The following FBXW11 variants were observed in gnomAD, a reference collection of about 807,000 sequenced individuals.
FBXW11 encodes F-box and WD repeat domain containing 11.
FBXW11 carries 19 observed loss-of-function variants against 77.6 expected under a neutral mutation model. The observed-to-expected ratio is 0.24, with a 90% CI of 0.17 to 0.36. The LOEUF (loss-of-function observed/expected upper bound fraction) is 0.36. FBXW11 is among the 10% of genes least tolerant of loss of function. FBXW11 has a pLI of 1.00. For synonymous variants in FBXW11, 235 were observed against 249.4 expected (o/e 0.94, Z 0.54); for missense variants, 334 against 704.2 (o/e 0.47, Z 5.95).
At chr5:171,889,625 G>A (rs1006039392) in intron 7 of FBXW11, among the ~76,000 whole-genome samples, 10 of 152,094 alleles carry the variant, frequency 6.6e-5, no homozygotes, top group African/African-American at 2.4e-4. Context: ...GGTGGTTTAC[G>A]CCTGTAATCG....
intron 2 of FBXW11, 90 bp from the exon 3 acceptor site, chr5:171,914,495 A>T (rs569688804): frequency 1.5e-4 from 171 of 1,135,054 alleles, no homozygotes; most frequent in Non-Finnish European, 2.0e-4. Context: ...CCCAAACTAG[A>T]GTGTACCAAT....
intron 13 of FBXW11, among the ~76,000 whole-genome samples, chr5:171,865,696 C>T (rs547688208): frequency 4.6e-5 from 7 of 152,246 alleles, no homozygotes; most frequent in East Asian, 3.9e-4. Flanking sequence ...TTCCTAATAA[C>T]GATCTTATAT....
chr5:171,895,663 T>C (rs550200766), intron 6 of FBXW11, among the ~76,000 whole-genome samples: 9 of 152,210 alleles, frequency 5.9e-5, no homozygotes, highest in Non-Finnish European at 1.3e-4. Flanking sequence ...TTATAACAAC[T>C]CCTATCTCTC....
At chr5:172,005,921 G>GC (rs201500668) in intron 1 of FBXW11, among the ~76,000 whole-genome samples, 7,538 of 151,994 alleles carry the variant, frequency 0.05, 277 homozygotes, top group East Asian at 0.12. Context: ...AAAGCTCCCT[G>GC]CCCCCCCAGC....
intron 13 of FBXW11, among the ~76,000 whole-genome samples, chr5:171,865,670 A>C (rs1757344731): frequency 6.6e-6 from 1 of 152,224 alleles, no homozygotes; most frequent in Non-Finnish European, 1.5e-5. Flanking sequence ...CTTTTGGCTT[A>C]TCTACTTTTT....
At chr5:171,956,503 A>G (rs79944708) in intron 2 of FBXW11, among the ~76,000 whole-genome samples, 310 of 152,310 alleles carry the variant, frequency 2.0e-3, no homozygotes, top group African/African-American at 6.4e-3. Flanking sequence ...ATTTGAATCA[A>G]TAACCACACC....
At chr5:172,000,393 T>C (rs1463303850) in intron 1 of FBXW11, among the ~76,000 whole-genome samples, 1 of 152,238 alleles carries the variant, frequency 6.6e-6, no homozygotes, top group Non-Finnish European at 1.5e-5. Flanking sequence ...GTTCTCTCTG[T>C]AGTTACAGCA....
At chr5:171,936,583 A>G (rs1762496280) in intron 2 of FBXW11, among the ~76,000 whole-genome samples, 1 of 152,028 alleles carries the variant, frequency 6.6e-6, no homozygotes, top group Non-Finnish European at 1.5e-5. Context: ...CTATAAAAAG[A>G]AATTTCAAAA....
At position 171,904,997 on chromosome 5, in the gene FBXW11, T is replaced by C. The variant is rs1027095681; in HGVS notation, c.437-4897A>G. On this transcript the variant is annotated intron_variant, in intron 4 of 13. Coordinates refer to ENST00000517395, the MANE Select transcript of FBXW11 (RefSeq NM_001378974.1). The surrounding 1 kb of genome is among the most constrained non-coding windows in gnomAD (Gnocchi z 4.0). ...TCAATTGCTCACAACTAGGCTATCA[T>C]GAGTTTTTACAGAAATAAATCCCTT... Among the ~76,000 whole-genome samples, 11 of 152,246 alleles carry C rather than the reference T, an allele frequency of 7.2e-5. No individual in the cohort carries two copies. Among genetic ancestry groups the C allele is most frequent in the African/African-American group, 2.2e-4 (9 of 41,482 alleles).
intron 2 of FBXW11, among the ~76,000 whole-genome samples, chr5:171,935,426 C>G (rs757418964): frequency 2.6e-5 from 4 of 151,496 alleles, no homozygotes; most frequent in African/African-American, 9.7e-5. Flanking sequence ...GAAAAAAAAA[C>G]GATAATTCAA....
chr5:171,931,346 G>T (rs1386559578), intron 2 of FBXW11, among the ~76,000 whole-genome samples: 1 of 152,204 alleles, frequency 6.6e-6, no homozygotes, highest in African/African-American at 2.4e-5. Context: ...AGAATACAGA[G>T]CTAGGTCAAT....
intron 2 of FBXW11, among the ~76,000 whole-genome samples, chr5:171,936,109 T>TAAAAAAAAAAAAA (rs61349170): frequency 3.4e-5 from 2 of 59,344 alleles, no homozygotes; most frequent in Non-Finnish European, 6.6e-5. Flanking sequence ...AGACTCCATC[T>TAAAAAAAAAAAAA]AAAAAAAAAA....
At chr5:171,952,702 G>A (rs1431051227) in intron 2 of FBXW11, among the ~76,000 whole-genome samples, 8 of 150,478 alleles carry the variant, frequency 5.3e-5, no homozygotes, top group East Asian at 3.9e-4. Context: ...CGCCCACCTC[G>A]GCCTCCCAAA....
At position 171,931,605 on chromosome 5, in the gene FBXW11, T is replaced by C. The variant is rs1417305174; in HGVS notation, c.148-17200A>G. The stretch of plus-strand genomic sequence containing the variant: ...ACATAGGAGAAAATCTAGATGATCT[T>C]AGGTTTGTTGATTACTTTCTTAGAC... On this transcript the variant is annotated intron_variant, in intron 2 of 13. Transcript: ENST00000517395. Among the ~76,000 whole-genome samples the C allele has an allele frequency of 4.6e-5, 7 of 152,332 alleles. No homozygotes were observed. The East Asian group carries it at 1.3e-3, about 29-fold the overall frequency.
At chr5:171,909,364 G>A (rs144664497) in intron 4 of FBXW11, among the ~76,000 whole-genome samples, 1 of 152,308 alleles carries the variant, frequency 6.6e-6, no homozygotes, top group African/African-American at 2.4e-5. Context: ...AATAGGTGGA[G>A]CACAGTGAAA....
intron 2 of FBXW11, among the ~76,000 whole-genome samples, chr5:171,956,110 G>A (rs1337766904): frequency 1.3e-5 from 2 of 152,140 alleles, no homozygotes; most frequent in East Asian, 3.9e-4. Flanking sequence ...AAAAAACTCG[G>A]TCAGCCCACT....
chr5:171,988,663 A>G (rs1282830191), intron 1 of FBXW11, among the ~76,000 whole-genome samples: 1 of 148,894 alleles, frequency 6.7e-6, no homozygotes, highest in East Asian at 2.0e-4. Context: ...TGGCCAACAT[A>G]GCAAAATCCT....
intron 1 of FBXW11, among the ~76,000 whole-genome samples, chr5:171,973,448 A>G (rs1024432114): frequency 6.6e-6 from 1 of 152,226 alleles, no homozygotes; most frequent in Non-Finnish European, 1.5e-5. Flanking sequence ...GGAAAGCTAA[A>G]GACAAATTCC....
chr5:171,903,287 T>G (rs1760261431), intron 4 of FBXW11, among the ~76,000 whole-genome samples: 1 of 152,082 alleles, frequency 6.6e-6, no homozygotes, highest in African/African-American at 2.4e-5. Flanking sequence ...TTTGTAGAGA[T>G]GAGGTCTCAC....
Sources: gnomAD v4.1 joint callset for allele counts (sites outside exome capture counted in the v4.1 genomes callset) on GRCh38, gnomAD v4.1.1 for gene constraint, Gnocchi (gnomAD v3.1) non-coding constraint, MANE v1.5 for transcripts, NCBI Gene and HGNC (gene_info 2026-07-23, HGNC 2026-07-21) for gene names.